Variants in PCDHA3 observed in about 807,000 individuals in gnomAD.
The protein encoded by PCDHA3 is protocadherin alpha-3.
PCDHA3 carries 41 observed loss-of-function variants against 62.2 expected under a neutral mutation model. The observed-to-expected ratio is 0.66, with a 90% confidence interval of 0.51 to 0.86. PCDHA3 has a LOEUF of 0.86. Ranked by LOEUF, PCDHA3 falls within the 40% of genes least tolerant of loss-of-function variation. The probability of loss-of-function intolerance (pLI) is 0.00; values close to 1 mark genes in which losing one functional copy is unlikely to be tolerated. For synonymous variants in PCDHA3, 640 were observed against 555.4 expected (o/e 1.15, Z -2.14); for missense variants, 1,304 against 1,241.2 (o/e 1.05, Z -0.76).
intron 1 of PCDHA3, among the ~76,000 whole-genome samples, chr5:140,965,734 AT>A (rs2095929489): frequency 6.6e-6 from 1 of 152,220 alleles, no homozygotes; most frequent in Non-Finnish European, 1.5e-5. Flanking sequence ...ATTTTACCAG[AT>A]TTTCCCCATT....
Position 140,885,836 on chromosome 5 carries a change from C to T in PCDHA3, c.2394+82245C>T, listed in dbSNP as rs186775413. On this transcript the variant is annotated intron_variant, in intron 1 of 3. Transcript: ENST00000522353. ...TGTATTTGATCTTCTTTGATTTATC[C>T]ATTAAGTTATTTGCCTACTTTTCTA... Among the ~76,000 whole-genome samples the T allele has an allele frequency of 3.1e-3, 470 of 152,032 alleles. 3 individuals are homozygous for T. Among genetic ancestry groups the T allele is most frequent in the Middle Eastern group, 0.014 (4 of 294 alleles).
intron 3 of PCDHA3, among the ~76,000 whole-genome samples, chr5:140,991,094 A>G (rs144874764): frequency 9.8e-4 from 150 of 152,358 alleles, no homozygotes; most frequent in African/African-American, 3.5e-3. Context: ...ATTAAAGCTC[A>G]TAAGAATTAA....
rs782758348 is a variant in PCDHA3, at chr5:140,801,837, G to A, written c.640G>A (p.Ala214Thr). The A allele has an allele frequency of 9.9e-6, 16 of 1,614,038 alleles. No individual in the cohort carries two copies. The highest frequency in any genetic ancestry group is 1.3e-5 in the Non-Finnish European group (15 of 1,180,038). The change falls in exon 1 of 4, where the codon GCA (alanine) becomes ACA (threonine). Residue 214 changes from alanine to threonine, a missense_variant. Ala to Thr is a moderately conservative substitution (Grantham distance 58). Transcript: ENST00000522353. ...DTPKHYLLITAIDGGKPELTG... is the reference protein window; with the variant it reads ...DTPKHYLLITTIDGGKPELTG... Reference sequence around the variant, plus strand: ...TCCTAAGCATTATTTACTAATAACAGCAATTGATGGTGGGAAACCAGAGCT... The same window carrying A: ...TCCTAAGCATTATTTACTAATAACAACAATTGATGGTGGGAAACCAGAGCT...
At position 140,928,683 on chromosome 5, in the gene PCDHA3, C is replaced by T. The variant is rs868920923; in HGVS notation, c.2395-50266C>T. ...ACAGTGGTTCTAATGCCTGGCTTTC[C>T]TACCACATCTCCCGGGCGTCTGACT... On this transcript the variant is annotated intron_variant, in intron 1 of 3. Transcript: ENST00000522353. 3.7e-6 allele frequency: 6 copies of T among 1,614,172 alleles called. No individual in the cohort carries two copies. In the Middle Eastern group the frequency reaches 6.6e-4, roughly 178 times the overall value.
At chr5:140,823,221 C>T (rs1328701255) in intron 1 of PCDHA3, 4 of 1,613,612 alleles carry the variant, frequency 2.5e-6, no homozygotes, top group African/African-American at 1.3e-5. Flanking sequence ...GGGACGCGGA[C>T]GCGCAGGAGA....
At chr5:140,942,221 G>A (rs1238547021) in intron 1 of PCDHA3, among the ~76,000 whole-genome samples, 1 of 152,046 alleles carries the variant, frequency 6.6e-6, no homozygotes, top group African/African-American at 2.4e-5. Context: ...TATTTAAAAT[G>A]TGTAGGCAAA....
Position 140,923,938 on chromosome 5 carries a change from CT to C in PCDHA3, c.2395-55005del, listed in dbSNP as rs1340709876. 2.6e-5 allele frequency among the ~76,000 whole-genome samples: 4 copies of C among 152,122 alleles called. No homozygotes were observed. In the East Asian group the frequency reaches 7.7e-4, roughly 29 times the overall value. On this transcript the variant is annotated intron_variant, in intron 1 of 3. Coordinates refer to ENST00000522353, the MANE Select transcript of PCDHA3 (RefSeq NM_018906.3). ...ATACTGTTCTCTGTATGCATTTTTC[CT>C]TTTTTCCTCACGCCCTAATCTATAC... is the stretch of plus-strand genomic sequence containing the variant.
intron 1 of PCDHA3, chr5:140,850,299 G>T (rs1554144160): frequency 6.3e-7 from 1 of 1,596,494 alleles, no homozygotes; most frequent in African/African-American, 1.3e-5. Context: ...CGCCGACTCG[G>T]GCTACAACGC....
chr5:141,007,395 C>CAAAAAAAAAAAAAAAAAAAAAAAAAAA (rs35800918), intron 3 of PCDHA3, among the ~76,000 whole-genome samples: 1 of 94,866 alleles, frequency 1.1e-5, no homozygotes, highest in Non-Finnish European at 2.1e-5. Context: ...TACTAAAATA[C>CAAAAAAAAAAAAAAAAAAAAAAAAAAA]AAAAAAAAAA....
chr5:140,868,662 A>G (rs2050574102), intron 1 of PCDHA3: 1 of 163,768 alleles, frequency 6.1e-6, no homozygotes, highest in South Asian at 1.6e-4. Context: ...AGTATTTTAG[A>G]TAAGTAAAAG....
chr5:140,875,521 T>C (rs2055562442), intron 1 of PCDHA3: 2 of 1,614,014 alleles, frequency 1.2e-6, no homozygotes, highest in Non-Finnish European at 1.7e-6. Flanking sequence ...TCTGCTGCTC[T>C]CGCTTCTGCT....
At chr5:140,957,043 A>C (rs2095328677) in intron 1 of PCDHA3, among the ~76,000 whole-genome samples, 3 of 152,196 alleles carry the variant, frequency 2.0e-5, no homozygotes, top group Admixed American at 2.0e-4. Flanking sequence ...GGAGTCATAT[A>C]AAATAAATTA....
At chr5:140,929,148 G>A in intron 1 of PCDHA3, 1 of 1,614,190 alleles carries the variant, frequency 6.2e-7, no homozygotes, top group Middle Eastern at 1.6e-4. Flanking sequence ...GACTTTCTCA[G>A]ACTTATCTCT....
At chr5:140,809,324 C>T (rs1554125144) in intron 1 of PCDHA3, 1 of 1,614,106 alleles carries the variant, frequency 6.2e-7, no homozygotes, top group South Asian at 1.1e-5. Context: ...CCTTTTGGTG[C>T]TCACGCTGCT....
chr5:140,905,617 G>T (rs1019062717), intron 1 of PCDHA3, among the ~76,000 whole-genome samples: 8 of 152,116 alleles, frequency 5.3e-5, no homozygotes, highest in Non-Finnish European at 1.5e-5. Context: ...TCTATAGATT[G>T]CTTTTGACAG....
At chr5:140,876,883 G>A in intron 1 of PCDHA3, 2 of 1,614,132 alleles carry the variant, frequency 1.2e-6, no homozygotes, top group Non-Finnish European at 1.7e-6. Context: ...CAACCCGCCG[G>A]GCTGCCACAT....
intron 1 of PCDHA3, chr5:140,842,575 G>A (rs2150339697): frequency 6.6e-7 from 1 of 1,509,128 alleles, no homozygotes; most frequent in South Asian, 1.2e-5. Flanking sequence ...GCGAGAGAGT[G>A]TCGGCCTATG....
In PCDHA3 at chr5:140,973,293, A is replaced by G. The variant is rs150966135; in HGVS notation, c.2395-5656A>G. Among the ~76,000 whole-genome samples, 103 of 152,230 alleles carry G rather than the reference A, an allele frequency of 6.8e-4. No homozygotes were observed. The East Asian group carries it at 0.019, about 27-fold the overall frequency. On this transcript the variant is annotated intron_variant, in intron 1 of 3. Transcript: ENST00000522353. ...TATTTCCCCCAGCACTGATTTTTCT[A>G]TCTGATGACTCTATCCTGGAACAGA...
At position 140,883,732 on chromosome 5, in the gene PCDHA3, G is replaced by T. The variant is rs17844355; in HGVS notation, c.2394+80141G>T. The stretch of plus-strand genomic sequence containing the variant: ...AGGACGCGGACGCACAGGAGAACGC[G>T]CTGGTCTCCTACTCGCTGGTGGAGC... On this transcript the variant is annotated intron_variant, in intron 1 of 3. Transcript: ENST00000522353. The T allele has an allele frequency of 3.9e-4, 630 of 1,613,452 alleles. 2 individuals are homozygous for T. The East Asian group carries it at 0.013, about 33-fold the overall frequency.
Sources: gnomAD v4.1 joint callset for allele counts (sites outside exome capture counted in the v4.1 genomes callset) on GRCh38, gnomAD v4.1.1 for gene constraint, MANE v1.5 for transcripts, NCBI Gene and HGNC (gene_info 2026-07-23, HGNC 2026-07-21) for gene names.